ST18: variants seen among roughly 807,000 people sequenced by gnomAD.
ST18 encodes ST18 C2H2C-type zinc finger transcription factor, also known as suppression of tumorigenicity 18 protein.
Under a neutral mutation model 110.0 loss-of-function variants are expected in ST18, and 50 were observed. The ratio of observed to expected loss-of-function variants is 0.45; its 90% CI spans 0.36 to 0.58. The LOEUF (loss-of-function observed/expected upper bound fraction) is 0.58, where lower values mean the gene tolerates loss of function less well. Among genes scored for constraint, ST18 ranks in the 20% least tolerant of loss-of-function variants. The pLI is 0.00. For synonymous variants in ST18, 461 were observed against 452.4 expected, an observed-to-expected ratio of 1.02 and a Z score of -0.24; for missense variants, 1,306 against 1,280.1, an observed-to-expected ratio of 1.02 and a Z score of -0.31.
chr8:52,344,783 G>C (rs1002846215), intron 2 of ST18, among the ~76,000 whole-genome samples: 1 of 152,136 alleles, frequency 6.6e-6, no homozygotes. Context: ...TTAACATTTT[G>C]TAGTTAATAT....
chr8:52,395,171 T>C (rs1186285168), intron 2 of ST18, among the ~76,000 whole-genome samples: 1 of 152,220 alleles, frequency 6.6e-6, no homozygotes, highest in Non-Finnish European at 1.5e-5. Flanking sequence ...CCATCTCTCC[T>C]GTACAATGGC....
At chr8:52,171,764 C>T in intron 10 of ST18, 28 bp downstream of exon 10, 2 of 1,599,776 alleles carry the variant, frequency 1.3e-6, no homozygotes, top group South Asian at 2.3e-5. Flanking sequence ...ACTTTTATTC[C>T]TAAAATAAAT....
intron 21 of ST18, 89 bp downstream of exon 21, chr8:52,132,968 A>C (rs2050308249): frequency 7.0e-7 from 1 of 1,421,958 alleles, no homozygotes. Flanking sequence ...CCTGAAACTC[A>C]ATCCGTGTTC....
intron 2 of ST18, among the ~76,000 whole-genome samples, chr8:52,311,715 A>T (rs113828239): frequency 1.8e-4 from 27 of 152,318 alleles, no homozygotes; most frequent in Admixed American, 4.6e-4. Flanking sequence ...TCAAACATAT[A>T]TAAAACCATC....
At chr8:52,349,219 C>G (rs2140297427) in intron 2 of ST18, among the ~76,000 whole-genome samples, 1 of 152,232 alleles carries the variant, frequency 6.6e-6, no homozygotes, top group Middle Eastern at 3.4e-3. Flanking sequence ...GCCTTTTATC[C>G]TTCCCACTGG....
chr8:52,379,456 C>T (rs1042904174), intron 2 of ST18, among the ~76,000 whole-genome samples: 25 of 151,856 alleles, frequency 1.6e-4, no homozygotes, highest in Non-Finnish European at 7.4e-5. Flanking sequence ...TCCTATGCAC[C>T]GTGAAGTACA....
chr8:52,114,221 C>T (rs941666652), intron 25 of ST18, among the ~76,000 whole-genome samples: 6 of 152,020 alleles, frequency 3.9e-5, no homozygotes, highest in East Asian at 1.9e-4. Flanking sequence ...CCACCCGCTT[C>T]GGCCTCCCAA....
intron 2 of ST18, among the ~76,000 whole-genome samples, chr8:52,379,812 T>C (rs974897397): frequency 3.3e-5 from 5 of 152,182 alleles, no homozygotes; most frequent in Non-Finnish European, 5.9e-5. Context: ...AATGAAGTAT[T>C]AAAATCATAA....
intron 2 of ST18, among the ~76,000 whole-genome samples, chr8:52,340,308 G>T (rs1337678899): frequency 6.6e-6 from 1 of 152,208 alleles, no homozygotes; most frequent in Non-Finnish European, 1.5e-5. Context: ...AATTCTTTAA[G>T]CCCTGGCACA....
At chr8:52,134,229 T>A (rs1344554891) in intron 19 of ST18, among the ~76,000 whole-genome samples, 1 of 151,990 alleles carries the variant, frequency 6.6e-6, no homozygotes, top group East Asian at 1.9e-4. Context: ...TGGGGGAAAA[T>A]CCATCAATAA....
rs537527690 is a variant in ST18 at position 52,198,297 on chromosome 8, G to A, written c.86+13782C>T. Among the ~76,000 whole-genome samples the A allele has an allele frequency of 3.7e-4, 56 of 152,220 alleles. 1 individual carries two copies. Among genetic ancestry groups the A allele is most frequent in the South Asian group, 1.7e-3 (8 of 4,824 alleles). On this transcript the variant is annotated intron_variant, in intron 8 of 25. Transcript: ENST00000689386. Reference sequence around the variant, plus strand: ...TGGGATTACAGGCATGAGCCACTGCGCCCGGCCGTGGCTGTTTTATAACTA... The same window carrying A: ...TGGGATTACAGGCATGAGCCACTGCACCCGGCCGTGGCTGTTTTATAACTA...
intron 16 of ST18, among the ~76,000 whole-genome samples, chr8:52,148,217 T>C (rs1290249596): frequency 6.6e-6 from 1 of 151,640 alleles, no homozygotes; most frequent in African/African-American, 2.4e-5. Flanking sequence ...TAATAAATGA[T>C]TCTTCTAAAA....
chr8:52,364,875 C>G (rs529688729), intron 2 of ST18, among the ~76,000 whole-genome samples: 1 of 152,054 alleles, frequency 6.6e-6, no homozygotes, highest in African/African-American at 2.4e-5. Context: ...TTTGAGAGGC[C>G]GAGGCGGGCA....
intron 7 of ST18, among the ~76,000 whole-genome samples, chr8:52,212,575 T>C (rs2082596167): frequency 6.6e-6 from 1 of 152,146 alleles, no homozygotes; most frequent in African/African-American, 2.4e-5. Context: ...AAGGGGAGGA[T>C]GAGCTTCAGC....
intron 2 of ST18, among the ~76,000 whole-genome samples, chr8:52,389,597 G>C (rs1838522274): frequency 6.6e-6 from 1 of 152,130 alleles, no homozygotes; most frequent in African/African-American, 2.4e-5. Flanking sequence ...GCCTTGAATC[G>C]TCACCTGGGA....
At chr8:52,296,631 A>T (rs879655442) in intron 2 of ST18, 5 of 152,218 alleles carry the variant, frequency 3.3e-5, no homozygotes, top group Non-Finnish European at 5.9e-5. Flanking sequence ...ATGGGGCAGT[A>T]ATTGATTCTA....
intron 18 of ST18, 136 bp from the exon 19 acceptor site, chr8:52,136,794 T>A: frequency 1.3e-6 from 1 of 769,452 alleles, no homozygotes; most frequent in African/African-American, 1.8e-5. Context: ...TGGCTTTGAA[T>A]CTGGCTTTGC....
At chr8:52,190,828 T>G (rs896065162) in intron 8 of ST18, among the ~76,000 whole-genome samples, 1 of 152,128 alleles carries the variant, frequency 6.6e-6, no homozygotes, top group African/African-American at 2.4e-5. Flanking sequence ...TTTGGAGGCT[T>G]TGACAAGACA....
chr8:52,277,381 C>A (rs1313927461), intron 2 of ST18, among the ~76,000 whole-genome samples: 2 of 152,178 alleles, frequency 1.3e-5, no homozygotes, highest in African/African-American at 4.8e-5. Context: ...AATCATGGAT[C>A]TTTTCTTTAT....
Sources: gnomAD v4.1 joint callset for allele counts (sites outside exome capture counted in the v4.1 genomes callset) on GRCh38, gnomAD v4.1.1 for gene constraint, MANE v1.5 for transcripts, NCBI Gene and HGNC (gene_info 2026-07-23, HGNC 2026-07-21) for gene names.